SYT1: variants seen among roughly 807,000 people sequenced by gnomAD.
The protein encoded by SYT1 is synaptotagmin-1.
A neutral mutation model predicts 44.8 loss-of-function variants in SYT1; 8 were observed. The observed-to-expected ratio is 0.18, with a 90% CI of 0.10 to 0.32. The LOEUF is 0.32. Ranked by LOEUF, SYT1 falls within the 10% of genes least tolerant of loss-of-function variation. The pLI, the probability that SYT1 is intolerant of heterozygous loss-of-function variation, is 1.00. For synonymous variants in SYT1, 154 were observed against 188.8 expected (o/e 0.82, Z 1.51); for missense variants, 286 against 509.3 (o/e 0.56, Z 4.22).
chr12:79,095,756 T>G (rs1045057707), intron 3 of SYT1, among the ~76,000 whole-genome samples: 7 of 152,000 alleles, frequency 4.6e-5, no homozygotes, highest in Non-Finnish European at 1.0e-4. Flanking sequence ...GCAGAGTGAC[T>G]TGTTCTCCTG....
chr12:79,029,160 T>G (rs1445875268), intron 2 of SYT1, among the ~76,000 whole-genome samples: 2 of 151,180 alleles, frequency 1.3e-5, no homozygotes, highest in Non-Finnish European at 3.0e-5. Flanking sequence ...TTCAAACTAT[T>G]CAATACCTCA....
At chr12:78,911,432 G>C (rs1384502858) in intron 1 of SYT1, among the ~76,000 whole-genome samples, 1 of 151,866 alleles carries the variant, frequency 6.6e-6, no homozygotes, top group African/African-American at 2.4e-5. Flanking sequence ...ACTGAACCTT[G>C]GGGTGCGCCA....
chr12:78,919,878 A>G (rs1032027267), intron 1 of SYT1, among the ~76,000 whole-genome samples: 9 of 152,030 alleles, frequency 5.9e-5, no homozygotes, highest in African/African-American at 2.2e-4. Flanking sequence ...AAGACTCTAG[A>G]ACATTTCCAT....
At chr12:79,377,347 G>A (rs908962606) in intron 9 of SYT1, among the ~76,000 whole-genome samples, 6 of 152,124 alleles carry the variant, frequency 3.9e-5, no homozygotes, top group Non-Finnish European at 8.8e-5. Flanking sequence ...TCCTGACCTC[G>A]TGATCCGCCT....
intron 1 of SYT1, among the ~76,000 whole-genome samples, chr12:78,868,539 T>C (rs1205694475): frequency 6.6e-6 from 1 of 151,900 alleles, no homozygotes; most frequent in Non-Finnish European, 1.5e-5. Flanking sequence ...TATGGCAATA[T>C]ACATAATAAT....
chr12:78,883,143 A>C (rs1874548102), intron 1 of SYT1, among the ~76,000 whole-genome samples: 1 of 151,744 alleles, frequency 6.6e-6, no homozygotes, highest in Non-Finnish European at 1.5e-5. Flanking sequence ...TTCTTCGAAC[A>C]GTAATACACT....
chr12:79,282,276 C>T (rs893905368), intron 4 of SYT1, among the ~76,000 whole-genome samples: 31 of 152,092 alleles, frequency 2.0e-4, no homozygotes, highest in African/African-American at 7.2e-4. Flanking sequence ...ATCATGTCTA[C>T]CACAAGGTAT....
chr12:79,440,969 G>GA (rs1302968944), intron 9 of SYT1, among the ~76,000 whole-genome samples: 5 of 152,140 alleles, frequency 3.3e-5, no homozygotes, highest in Admixed American at 2.6e-4. Context: ...TCAATACAGT[G>GA]AAAGAACTAG....
chr12:78,958,159 A>G (rs1308866405), intron 1 of SYT1, among the ~76,000 whole-genome samples: 1 of 152,180 alleles, frequency 6.6e-6, no homozygotes, highest in African/African-American at 2.4e-5. Context: ...TAAATGGATT[A>G]TGCTTCTGAA....
At chr12:79,227,317 C>CTAGCACTCTAAAA (rs1393955459) in intron 4 of SYT1, among the ~76,000 whole-genome samples, 4 of 152,084 alleles carry the variant, frequency 2.6e-5, no homozygotes, top group African/African-American at 9.7e-5. Context: ...CTAAATGAAG[C>CTAGCACTCTAAAA]AGACAAGGTT....
intron 3 of SYT1, among the ~76,000 whole-genome samples, chr12:79,197,167 G>A (rs1682840624): frequency 6.6e-6 from 1 of 152,190 alleles, no homozygotes; most frequent in Non-Finnish European, 1.5e-5. Flanking sequence ...AACATTCAAT[G>A]CAACCTGATG....
intron 8 of SYT1, 64 bp from the exon 9 acceptor site, chr12:79,353,438 T>C (rs914334487): frequency 5.0e-5 from 60 of 1,194,824 alleles, no homozygotes; most frequent in Non-Finnish European, 7.1e-5. Flanking sequence ...TTACAATATA[T>C]ATGTTAAAAC....
chr12:79,245,501 A>G (rs1295815758), intron 4 of SYT1, among the ~76,000 whole-genome samples: 1 of 150,614 alleles, frequency 6.6e-6, no homozygotes, highest in Non-Finnish European at 1.5e-5. Context: ...AAAAGAAAAA[A>G]GAAAAAAAAA....
intron 9 of SYT1, among the ~76,000 whole-genome samples, chr12:79,441,134 C>CTAAG (rs1364555216): frequency 3.3e-5 from 5 of 152,202 alleles, no homozygotes; most frequent in Admixed American, 2.6e-4. Context: ...ATAAAGAACC[C>CTAAG]TAAGTTTCTT....
chr12:79,390,551 T>A (rs1884618177), intron 9 of SYT1, among the ~76,000 whole-genome samples: 1 of 152,120 alleles, frequency 6.6e-6, no homozygotes, highest in African/African-American at 2.4e-5. Flanking sequence ...CCCTCTTGTC[T>A]CTAGATGATA....
intron 1 of SYT1, among the ~76,000 whole-genome samples, chr12:78,871,497 T>G (rs1244232467): frequency 6.6e-6 from 1 of 151,942 alleles, no homozygotes; most frequent in African/African-American, 2.4e-5. Flanking sequence ...CTTGCTTAGC[T>G]CCTATGAAAT....
chr12:79,303,272 G>A (rs1311364187), intron 8 of SYT1, among the ~76,000 whole-genome samples: 1 of 151,858 alleles, frequency 6.6e-6, no homozygotes. Flanking sequence ...TATCATCAAA[G>A]TATTTAAACT....
intron 1 of SYT1, among the ~76,000 whole-genome samples, chr12:78,891,112 G>C (rs1388611222): frequency 1.3e-5 from 2 of 151,620 alleles, no homozygotes; most frequent in African/African-American, 4.8e-5. Flanking sequence ...ATTTTGTTTT[G>C]TTTTCATCTA....
intron 2 of SYT1, among the ~76,000 whole-genome samples, chr12:78,983,510 A>G (rs1312796647): frequency 6.6e-6 from 1 of 151,884 alleles, no homozygotes; most frequent in Non-Finnish European, 1.5e-5. Flanking sequence ...TATCCTAACA[A>G]CCTCCTCTAG....
Sources: allele counts gnomAD v4.1 joint callset (sites outside exome capture counted in the v4.1 genomes callset), GRCh38; gene constraint gnomAD v4.1.1; transcripts MANE v1.5; gene names NCBI Gene and HGNC (gene_info 2026-07-23, HGNC 2026-07-21).